The following FOXD4L1 variants were observed in gnomAD, a reference collection of about 807,000 sequenced individuals.
FOXD4L1 encodes forkhead box protein D4-like 1.
A neutral mutation model predicts 24.8 loss-of-function variants in FOXD4L1; 10 were observed. That is an observed-to-expected ratio of 0.40 (90% CI 0.25 to 0.68). FOXD4L1 has a LOEUF of 0.68. Ranked by LOEUF, FOXD4L1 falls within the 30% of genes least tolerant of loss-of-function variation. The pLI is 0.37. For missense variants in FOXD4L1, 364 were observed against 572.4 expected, an observed-to-expected ratio of 0.64 and a Z score of 3.72; for synonymous variants, 159 against 256.4, an observed-to-expected ratio of 0.62 and a Z score of 3.63.
In FOXD4L1 at chr2:113,500,071, T is replaced by C. The variant is rs779628824; in HGVS notation, c.815T>C (p.Leu272Pro). ...CCGCATCCTCCTCGCTACCTACTGC[T>C]CTCGGCCCCCGCCTATGCCGGGGCA... is the stretch of plus-strand genomic sequence containing the variant. The change falls in exon 1 of 1, where the codon CTC becomes CCC. Residue 272 changes from leucine to proline, a missense_variant. Transcript: ENST00000306507. 8 of 1,584,190 alleles carry C rather than the reference T, an allele frequency of 5.0e-6. No homozygotes were observed. In the South Asian group the frequency reaches 8.9e-5, roughly 18 times the overall value.
rs1239982711 is a variant in FOXD4L1, at chr2:113,500,697, C to T, written c.*214C>T. On this transcript the variant is annotated 3_prime_UTR_variant, in exon 1 of 1. Coordinates refer to ENST00000306507, the Ensembl canonical transcript of FOXD4L1. ...GAGAGCAAACACGAACTTCTGTTCC[C>T]TGCAAAATGGTTAGAAAGAAACAGC... 2 of 1,249,910 alleles carry T rather than the reference C, an allele frequency of 1.6e-6. 1 individual carries two copies. The highest frequency in any genetic ancestry group is 5.6e-5 in the Admixed American group (2 of 35,538). 77.4% of individuals were successfully genotyped at this position (1,249,910 alleles called of 1,614,324 possible).
chr2:113,499,266 C>T, exon 1 of FOXD4L1: 1 of 1,609,432 alleles, frequency 6.2e-7, no homozygotes, highest in Non-Finnish European at 8.5e-7. Flanking sequence ...CATGAACCTG[C>T]CAAGAGCTGA....
At position 113,500,227 on chromosome 2, in the gene FOXD4L1, T is replaced by C. The variant is rs745788936; in HGVS notation, c.971T>C (p.Phe324Ser). ...CCACCGGGAGGCGGATGCATCTCTT[T>C]CAGCATTGAGAGTATCATGCAAGGG... The change falls in exon 1 of 1, where the codon TTC becomes TCC. Residue 324 changes from phenylalanine to serine, a missense_variant. Coordinates refer to ENST00000306507, the Ensembl canonical transcript of FOXD4L1. 8 of 1,556,548 alleles carry C rather than the reference T, an allele frequency of 5.1e-6. 2 individuals are homozygous for C. In the African/African-American group the frequency reaches 8.3e-5, roughly 16 times the overall value.
chr2:113,499,578 C>T (rs1682399212), exon 1 of FOXD4L1: 5 of 1,610,092 alleles, frequency 3.1e-6, no homozygotes, highest in Middle Eastern at 1.8e-4. Context: ...GCCGGCAAAG[C>T]CCCCCTACTC....
chr2:113,500,911 C>A, exon 1 of FOXD4L1: 1 of 313,970 alleles, frequency 3.2e-6, no homozygotes, highest in Non-Finnish European at 6.0e-6. Context: ...AACACAGCCT[C>A]CGATGCCAAA....
chr2:113,499,999 C>A (rs771555251), exon 1 of FOXD4L1: 2 of 1,585,368 alleles, frequency 1.3e-6, no homozygotes, highest in African/African-American at 2.8e-5. Flanking sequence ...GTCCCGGGGG[C>A]CTACCCCAAC....
chr2:113,499,196 G>C (rs1046615428), exon 1 of FOXD4L1: 11 of 1,611,632 alleles, frequency 6.8e-6, no homozygotes, highest in African/African-American at 1.3e-5. Context: ...TTCCAGCTCA[G>C]CCCGCCCCGG....
chr2:113,499,628 G>T (rs773359759), exon 1 of FOXD4L1: 4 of 1,612,154 alleles, frequency 2.5e-6, no homozygotes, highest in Non-Finnish European at 3.4e-6. Context: ...TGCAAAGCCC[G>T]CACAAGCGCC....
Position 113,500,258 on chromosome 2 carries a change from G to C in FOXD4L1, c.1002G>C (p.Arg334Ser), listed in dbSNP as rs760855852. The change falls in exon 1 of 1, where the codon AGG (arginine) becomes AGC (serine). Residue 334 changes from arginine to serine, a missense_variant. Physicochemically the swap from Arg to Ser is moderately radical, Grantham distance 110 (BLOSUM62 -1). Coordinates refer to ENST00000306507, the Ensembl canonical transcript of FOXD4L1. ...TTGAGAGTATCATGCAAGGGGTCAG[G>C]GGAGCGGGTACAGGGGCTGCGCAGA... is the stretch of plus-strand genomic sequence containing the variant. 22 of 1,553,120 alleles carry C rather than the reference G, an allele frequency of 1.4e-5. 4 individuals are homozygous for C. The South Asian group carries it at 2.5e-4, about 18-fold the overall frequency.
At chr2:113,499,470 G>A (rs1682396274) in exon 1 of FOXD4L1, 1 of 1,556,718 alleles carries the variant, frequency 6.4e-7, no homozygotes, top group Non-Finnish European at 8.7e-7. Context: ...GCTTCCCCGA[G>A]AGCACATCGA....
rs140280807 is a variant in FOXD4L1 at position 113,500,132 on chromosome 2, C to T, written c.876C>T (p.Pro292=). 1,797 of 1,513,422 alleles carry T rather than the reference C, an allele frequency of 1.2e-3. 314 individuals carry two copies. Among genetic ancestry groups the T allele is most frequent in the Middle Eastern group, 0.011 (46 of 4,322 alleles). 93.7% of individuals were successfully genotyped at this position (1,513,422 alleles called of 1,614,324 possible). ...CAGAAGGCGCGGACCTGGCGACCCCCGGCACCCTTCCCGTGCTGCAGCCCT... is the reference window on the plus strand; with the variant it reads ...CAGAAGGCGCGGACCTGGCGACCCCTGGCACCCTTCCCGTGCTGCAGCCCT... Residue 292 remains proline, a synonymous_variant, in exon 1 of 1, where the codon CCC becomes CCT. Coordinates refer to ENST00000306507, the Ensembl canonical transcript of FOXD4L1.
At chr2:113,500,529 A>G (rs1286606029) in exon 1 of FOXD4L1, 5 of 1,509,806 alleles carry the variant, frequency 3.3e-6, no homozygotes, top group Non-Finnish European at 8.9e-7. Flanking sequence ...GGACCTCACC[A>G]GTTTTTTTAG....
exon 1 of FOXD4L1, chr2:113,499,172 C>T (rs1682388752): frequency 1.9e-6 from 3 of 1,610,060 alleles, no homozygotes; most frequent in African/African-American, 1.3e-5. Flanking sequence ...CTTCTTGCAA[C>T]ATTCATCCCA....
At chr2:113,499,252 C>T (rs776396878) in exon 1 of FOXD4L1, 89 of 1,611,536 alleles carry the variant, frequency 5.5e-5, no homozygotes, top group Non-Finnish European at 3.0e-5. Flanking sequence ...AGCACCTGCT[C>T]CGCCATGAAC....
In FOXD4L1 at chr2:113,500,780, C is replaced by T. The variant is rs1682432358; in HGVS notation, c.*297C>T. On this transcript the variant is annotated 3_prime_UTR_variant, in exon 1 of 1. Coordinates refer to ENST00000306507, the Ensembl canonical transcript of FOXD4L1. ...TAACCTTCGCAGGGCGTCAAGTCAT[C>T]TTTTCTTGCCTTCGGCTGTGGCTTC... The T allele has an allele frequency of 5.5e-6, 4 of 721,028 alleles. 2 individuals are homozygous for T. The highest frequency in any genetic ancestry group is 7.8e-5 in the Admixed American group (2 of 25,670). 44.7% of individuals were successfully genotyped at this position (721,028 alleles called of 1,614,324 possible).
exon 1 of FOXD4L1, chr2:113,499,379 C>A (rs1682394068): frequency 6.2e-7 from 1 of 1,610,160 alleles, no homozygotes; most frequent in East Asian, 2.2e-5. Context: ...AGGTGGAAGA[C>A]GAGGAGGAGG....
chr2:113,500,172 C>G, exon 1 of FOXD4L1: 1 of 1,538,266 alleles, frequency 6.5e-7, no homozygotes, highest in Non-Finnish European at 8.8e-7. Context: ...TGGTCCTCAG[C>G]CTTGGGAGGA....
chr2:113,499,204 C>T (rs1478505125), exon 1 of FOXD4L1: 6 of 1,611,794 alleles, frequency 3.7e-6, no homozygotes, highest in East Asian at 4.5e-5. Flanking sequence ...CAGCCCGCCC[C>T]GGGCCAGGTG....
chr2:113,499,766 C>G (rs1255972610), exon 1 of FOXD4L1: 1 of 1,546,338 alleles, frequency 6.5e-7, no homozygotes, highest in Non-Finnish European at 8.8e-7. Context: ...AGATCCCCCG[C>G]GAGCCGGGCC....
Sources: allele counts gnomAD v4.1 joint callset, GRCh38; gene constraint gnomAD v4.1.1; transcripts MANE v1.5; gene names NCBI Gene and HGNC (gene_info 2026-07-23, HGNC 2026-07-21).